The following WIPI2 variants were observed in gnomAD, a reference collection of about 807,000 sequenced individuals.
WIPI2 encodes WD repeat domain phosphoinositide-interacting protein 2.
Under a neutral mutation model 52.3 loss-of-function variants are expected in WIPI2, and 28 were observed. The observed-to-expected ratio is 0.54, with a 90% CI of 0.40 to 0.73. The LOEUF is 0.73. WIPI2 is among the 30% of genes least tolerant of loss of function. The pLI, the probability that WIPI2 is intolerant of heterozygous loss-of-function variation, is 0.00. For synonymous variants in WIPI2, 268 were observed against 245.0 expected (o/e 1.09, Z -0.88); for missense variants, 506 against 602.9 (o/e 0.84, Z 1.68).
At chr7:5,223,128 T>C (rs1783232389) in intron 8 of WIPI2, among the ~76,000 whole-genome samples, 1 of 152,200 alleles carries the variant, frequency 6.6e-6, no homozygotes, top group Admixed American at 6.5e-5. Flanking sequence ...TCTTCCTCCC[T>C]CCAGGCTGCA....
chr7:5,220,061 C>T (rs569997011), intron 7 of WIPI2, among the ~76,000 whole-genome samples: 5 of 152,118 alleles, frequency 3.3e-5, no homozygotes, highest in African/African-American at 1.2e-4. Flanking sequence ...GTTTCAAACT[C>T]CTGAGCTCAA....
chr7:5,217,218 C>G (rs185427645), intron 6 of WIPI2, 31 bp downstream of exon 6: 104 of 1,611,516 alleles, frequency 6.5e-5, no homozygotes, highest in Non-Finnish European at 8.2e-5. Flanking sequence ...GAATAGCTCT[C>G]TAAAGTGTGG....
chr7:5,213,230 A>G (rs1782645637), intron 3 of WIPI2: 1 of 152,220 alleles, frequency 6.6e-6, no homozygotes, highest in Admixed American at 6.5e-5. Flanking sequence ...AGACGCTTGC[A>G]TCTGTTCCTT....
chr7:5,199,754 G>T, intron 3 of WIPI2, 96 bp downstream of exon 3: 3 of 1,226,952 alleles, frequency 2.4e-6, no homozygotes, highest in Non-Finnish European at 2.3e-6. Flanking sequence ...TGTGGTTGAA[G>T]TCCAGACACC....
rs1562384541 is a variant in WIPI2 at position 5,197,111 on chromosome 7, C to CAAAAAAAAAA, written c.129-2459_129-2458insAAAAAAAAAA. 5.3e-5 allele frequency among the ~76,000 whole-genome samples: 3 copies of CAAAAAAAAAA among 56,428 alleles called. 1 individual carries two copies. The highest frequency in any genetic ancestry group is 2.0e-4 in the African/African-American group (2 of 10,216). 37.0% of individuals were successfully genotyped at this position (56,428 alleles called of 152,430 possible). A position where few individuals can be genotyped will look rare whatever the true frequency, so the allele number is the denominator to read the frequency against. On this transcript the variant is annotated intron_variant, in intron 2 of 12. Coordinates refer to ENST00000288828, the MANE Select transcript of WIPI2 (RefSeq NM_015610.4). Reference sequence around the variant, plus strand: ...TGCATGACAGAGCGGGACTCCGTCTCAAAAAACAAAAAAAAAAAAAAAAAA... The same window carrying CAAAAAAAAAA: ...TGCATGACAGAGCGGGACTCCGTCTCAAAAAAAAAAAAAAAACAAAAAAAAAAAAAAAAAA...
chr7:5,228,194 C>T lies in WIPI2; in HGVS notation c.1104C>T (p.Ala368=), dbSNP rs1414570022. 2.0e-5 allele frequency: 33 copies of T among 1,613,170 alleles called. No homozygotes were observed. The highest frequency in any genetic ancestry group is 2.6e-5 in the Non-Finnish European group (31 of 1,179,892). ...ACCCCCAGGAGGGCGGCGAGTGTGC[C>T]CTGATGAAGCAGCACCGGTGAGTCT... ...NLDPQEGGEC[A]LMKQHRLDGS... Residue 368 remains alanine (A), a synonymous_variant, in exon 11 of 13, where the codon GCC becomes GCT. Transcript: ENST00000288828.
At chr7:5,211,199 C>T (rs1367089245) in intron 3 of WIPI2, among the ~76,000 whole-genome samples, 2 of 152,196 alleles carry the variant, frequency 1.3e-5, no homozygotes, top group African/African-American at 2.4e-5. Flanking sequence ...AGGCTGGGAG[C>T]GGTGGCTCAC....
intron 3 of WIPI2, among the ~76,000 whole-genome samples, chr7:5,203,131 A>G (rs749304842): frequency 6.6e-6 from 1 of 152,166 alleles, no homozygotes; most frequent in African/African-American, 2.4e-5. Flanking sequence ...TGGCCAAGAA[A>G]CTAATCATTT....
At chr7:5,211,632 A>G (rs1782566141) in intron 3 of WIPI2, among the ~76,000 whole-genome samples, 1 of 152,196 alleles carries the variant, frequency 6.6e-6, no homozygotes, top group Non-Finnish European at 1.5e-5. Context: ...AGTTCTTTTC[A>G]CCACTGATTG....
intron 3 of WIPI2, among the ~76,000 whole-genome samples, chr7:5,207,686 A>C (rs1488898601): frequency 6.6e-6 from 1 of 151,558 alleles, no homozygotes; most frequent in African/African-American, 2.4e-5. Flanking sequence ...AGAAACCCCC[A>C]TAACCTTCTC....
At chr7:5,218,050 A>G (rs774968558) in intron 7 of WIPI2, 36 bp downstream of exon 7, 2 of 1,607,004 alleles carry the variant, frequency 1.2e-6, no homozygotes, top group African/African-American at 1.3e-5. Context: ...CACTGGTGCC[A>G]AGGCGTCCAC....
At chr7:5,222,174 C>T (rs1422843786) in intron 7 of WIPI2, among the ~76,000 whole-genome samples, 2 of 152,188 alleles carry the variant, frequency 1.3e-5, no homozygotes, top group Non-Finnish European at 2.9e-5. Context: ...GTCTCAAACT[C>T]CTGACCTCTG....
intron 2 of WIPI2, among the ~76,000 whole-genome samples, chr7:5,193,806 G>A (rs1333573795): frequency 6.6e-6 from 1 of 152,124 alleles, no homozygotes; most frequent in Non-Finnish European, 1.5e-5. Context: ...TTGAACTCCT[G>A]GCCTCATGCG....
intron 3 of WIPI2, among the ~76,000 whole-genome samples, chr7:5,212,859 C>T (rs866789080): frequency 6.6e-6 from 1 of 152,220 alleles, no homozygotes; most frequent in Non-Finnish European, 1.5e-5. Flanking sequence ...GCAGGGCTGC[C>T]GTGACTTAGT....
chr7:5,206,146 A>G (rs899503910), intron 3 of WIPI2, among the ~76,000 whole-genome samples: 2 of 152,166 alleles, frequency 1.3e-5, no homozygotes, highest in South Asian at 4.1e-4. Context: ...CAGCATGTAC[A>G]TAAAACATTT....
In WIPI2 at chr7:5,190,499, G is replaced by T. The variant is rs1372984673; in HGVS notation, c.74+6G>T. 1 of 1,500,936 alleles carries T rather than the reference G, an allele frequency of 6.7e-7. No individual in the cohort carries two copies. Among genetic ancestry groups the T allele is most frequent in the Non-Finnish European group, 8.9e-7 (1 of 1,123,000 alleles). 93.0% of individuals were successfully genotyped at this position (1,500,936 alleles called of 1,614,324 possible). A position where few individuals can be genotyped will look rare whatever the true frequency, so the allele number is the denominator to read the frequency against. On this transcript the variant is annotated splice_donor_region_variant and intron_variant, in intron 1 of 12. Coordinates refer to ENST00000288828, the MANE Select transcript of WIPI2 (RefSeq NM_015610.4). ...AACTTCAACCAGGACAACACGTAAG[G>T]CCGGGGTCGGGGGTCGGAGTCGGGG...
rs1252954323 is a variant in WIPI2, at chr7:5,229,612, G to C, written c.1126G>C (p.Asp376His). The C allele has an allele frequency of 3.7e-6, 6 of 1,612,918 alleles. No homozygotes were observed. Among genetic ancestry groups the C allele is most frequent in the Non-Finnish European group, 5.1e-6 (6 of 1,179,628 alleles). Reference protein sequence around the residue: ...ECALMKQHRLDGSLETTNEIL... With the variant: ...ECALMKQHRLHGSLETTNEIL... ...GTGTCGCTTTCTTCCCTCCAGGCTG[G>C]ACGGCAGTCTGGAAACGACCAATGA... The change falls in exon 12 of 13, where the codon GAC becomes CAC. Residue 376 changes from aspartate to histidine, a missense_variant. Transcript: ENST00000288828.
At chr7:5,210,899 A>C (rs1782523829) in intron 3 of WIPI2, among the ~76,000 whole-genome samples, 1 of 152,038 alleles carries the variant, frequency 6.6e-6, no homozygotes, top group African/African-American at 2.4e-5. Flanking sequence ...TTGTTGGTTC[A>C]CTAACATTGA....
Position 5,216,630 on chromosome 7 carries a change from C to T in WIPI2, c.449C>T (p.Thr150Met). 3.7e-6 allele frequency: 6 copies of T among 1,614,144 alleles called. No individual in the cohort carries two copies. The highest frequency in any genetic ancestry group is 5.1e-6 in the Non-Finnish European group (6 of 1,180,010). ...ATTCGGGACATGAAGGTGCTGCATA[C>T]GATCAGGGAGACGCCTCCAAACCCT... ...HNIRDMKVLH[T>M]IRETPPNPAG... The change falls in exon 5 of 13, where the codon ACG becomes ATG. Residue 150 changes from threonine to methionine, a missense_variant. Thr to Met is a moderately conservative substitution (Grantham distance 81). Coordinates refer to ENST00000288828, the MANE Select transcript of WIPI2 (RefSeq NM_015610.4).
Sources: gnomAD v4.1 joint callset for allele counts (sites outside exome capture counted in the v4.1 genomes callset) on GRCh38, gnomAD v4.1.1 for gene constraint, MANE v1.5 for transcripts, NCBI Gene and HGNC (gene_info 2026-07-23, HGNC 2026-07-21) for gene names.